AGPAT3: variants seen among roughly 807,000 people sequenced by gnomAD.
AGPAT3 encodes 1-acylglycerol-3-phosphate O-acyltransferase 3, also known as 1-acyl-sn-glycerol-3-phosphate acyltransferase gamma.
In AGPAT3, 5 loss-of-function variants were observed where a neutral mutation model predicts 47.3. The ratio of observed to expected loss-of-function variants is 0.11; its 90% CI spans 0.06 to 0.22. AGPAT3 has a LOEUF of 0.22. Ranked by LOEUF, AGPAT3 falls within the 10% of genes least tolerant of loss-of-function variation. AGPAT3 has a pLI of 1.00. For missense variants in AGPAT3, 315 were observed against 493.0 expected, an observed-to-expected ratio of 0.64 and a Z score of 3.42; for synonymous variants, 212 against 208.3, an observed-to-expected ratio of 1.02 and a Z score of -0.15.
chr21:43,972,778 G>T (rs908602963), intron 7 of AGPAT3, among the ~76,000 whole-genome samples: 1 of 152,222 alleles, frequency 6.6e-6, no homozygotes, highest in Non-Finnish European at 1.5e-5. Flanking sequence ...ATCATTTCAG[G>T]CAGGCCTTTG....
intron 2 of AGPAT3, among the ~76,000 whole-genome samples, chr21:43,931,063 G>C (rs1477557297): frequency 6.6e-6 from 1 of 152,142 alleles, no homozygotes; most frequent in Non-Finnish European, 1.5e-5. Flanking sequence ...TTTCTCGAGG[G>C]CCCCGTGACT....
At chr21:43,882,032 C>T (rs2085864707) in intron 1 of AGPAT3, among the ~76,000 whole-genome samples, 1 of 152,242 alleles carries the variant, frequency 6.6e-6, no homozygotes, top group Admixed American at 6.5e-5. Context: ...GCACACAGGC[C>T]GGCATTTGCA....
chr21:43,938,847 T>C (rs893206970), intron 2 of AGPAT3, among the ~76,000 whole-genome samples: 3 of 151,846 alleles, frequency 2.0e-5, no homozygotes, highest in East Asian at 1.9e-4. Flanking sequence ...TCACATGGGG[T>C]CAATGTGTTG....
Position 43,984,813 on chromosome 21 carries a change from A to C in AGPAT3, c.*2421A>C. The C allele has an allele frequency of 5.0e-6, 1 of 201,856 alleles. No individual in the cohort carries two copies. 12.5% of individuals were successfully genotyped at this position (201,856 alleles called of 1,614,324 possible). A position where few individuals can be genotyped will look rare whatever the true frequency, so the allele number is the denominator to read the frequency against. On this transcript the variant is annotated 3_prime_UTR_variant, in exon 10 of 10. Coordinates refer to ENST00000291572, the MANE Select transcript of AGPAT3 (RefSeq NM_020132.5). ...AGTCTTTTTTTTTTCTTTTTCCTTT[A>C]CACCCTACTTCTGAGCTTAATTCAG... is the stretch of plus-strand genomic sequence containing the variant.
At chr21:43,867,889 TG>T (rs773425282) in intron 1 of AGPAT3, 6 of 146,820 alleles carry the variant, frequency 4.1e-5, no homozygotes, top group Non-Finnish European at 8.8e-5. Flanking sequence ...GAAGAGTGTT[TG>T]GGGTTTTAAA....
In AGPAT3 at chr21:43,954,421, G is replaced by C. The variant is rs2088345267; in HGVS notation, c.-48-5213G>C. ...GGGAAACCGTGTTGAGCGCTCTGGT[G>C]GGGGCAGGCGGGCGGGAGAGGCCCC... On this transcript the variant is annotated intron_variant, in intron 2 of 9. Coordinates refer to ENST00000291572, the MANE Select transcript of AGPAT3 (RefSeq NM_020132.5). The surrounding 1 kb of genome is among the most constrained non-coding windows in gnomAD (Gnocchi z 4.0). 1 of 152,406 alleles carries C rather than the reference G, an allele frequency of 6.6e-6. No homozygotes were observed. Among genetic ancestry groups the C allele is most frequent in the Non-Finnish European group, 1.5e-5 (1 of 68,150 alleles). The allele number at this position is 152,406 out of a possible 1,614,324, so 9.4% of individuals were successfully genotyped here.
chr21:43,979,298 C>CAAAAA (rs540542305), intron 8 of AGPAT3, among the ~76,000 whole-genome samples: 21 of 57,634 alleles, frequency 3.6e-4, no homozygotes, highest in African/African-American at 9.1e-4. Flanking sequence ...GACTCCAACT[C>CAAAAA]AAAAAAAAAA....
chr21:43,924,276 C>T (rs559879622), intron 2 of AGPAT3, among the ~76,000 whole-genome samples: 42 of 152,028 alleles, frequency 2.8e-4, no homozygotes, highest in Non-Finnish European at 2.6e-4. Flanking sequence ...CCGCCCGCCT[C>T]GGCCTCCCAA....
At chr21:43,971,102 G>A (rs889536149) in intron 6 of AGPAT3, among the ~76,000 whole-genome samples, 1 of 152,066 alleles carries the variant, frequency 6.6e-6, no homozygotes, top group African/African-American at 2.4e-5. Flanking sequence ...TAAAAGAAAG[G>A]GACAAAGAAC....
At chr21:43,973,858 C>G (rs996821793) in intron 7 of AGPAT3, among the ~76,000 whole-genome samples, 7 of 152,186 alleles carry the variant, frequency 4.6e-5, no homozygotes, top group African/African-American at 1.7e-4. Context: ...CTCCTGTCCC[C>G]AGGGCTGGCC....
intron 7 of AGPAT3, among the ~76,000 whole-genome samples, chr21:43,971,931 G>A (rs545790207): frequency 2.0e-5 from 3 of 152,222 alleles, no homozygotes; most frequent in Admixed American, 2.0e-4. Context: ...ACAGTCACAC[G>A]ACCTGGGGGG....
intron 3 of AGPAT3, among the ~76,000 whole-genome samples, chr21:43,964,245 CATG>C (rs1342922570): frequency 6.6e-6 from 1 of 151,878 alleles, no homozygotes; most frequent in Non-Finnish European, 1.5e-5. Context: ...ATTAGCCTGG[CATG>C]GTGGTGGGCA....
At chr21:43,903,676 G>C (rs888741491) in intron 1 of AGPAT3, among the ~76,000 whole-genome samples, 1 of 152,198 alleles carries the variant, frequency 6.6e-6, no homozygotes, top group African/African-American at 2.4e-5. Context: ...TCCTTCCTGG[G>C]GCGTGACCTC....
At position 43,908,077 on chromosome 21, in the gene AGPAT3, C is replaced by T. The variant is rs1472143835; in HGVS notation, c.-49+4058C>T. The stretch of plus-strand genomic sequence containing the variant: ...GCACCCCAGGGACGCTTTCTCTTTC[C>T]GTGTGCTGGAAGACCTGAATGCTTC... On this transcript the variant is annotated intron_variant, in intron 2 of 9. Coordinates refer to ENST00000291572, the MANE Select transcript of AGPAT3 (RefSeq NM_020132.5). This position sits in a 1 kb window ranked among gnomAD's most constrained non-coding sequence, Gnocchi z 4.9. 3.9e-5 allele frequency among the ~76,000 whole-genome samples: 6 copies of T among 152,196 alleles called. No homozygotes were observed. Among genetic ancestry groups the T allele is most frequent in the Non-Finnish European group, 5.9e-5 (4 of 68,030 alleles).
At chr21:43,873,359 C>T (rs2085664302) in intron 1 of AGPAT3, among the ~76,000 whole-genome samples, 1 of 152,218 alleles carries the variant, frequency 6.6e-6, no homozygotes. Context: ...GTGTATGCAG[C>T]ACCTGACTTC....
intron 1 of AGPAT3, chr21:43,867,300 G>A (rs941592084): frequency 1.3e-5 from 2 of 152,230 alleles, no homozygotes; most frequent in Admixed American, 1.3e-4. Flanking sequence ...CCACAGACCC[G>A]TCCGGGTGCT....
intron 1 of AGPAT3, among the ~76,000 whole-genome samples, chr21:43,889,821 T>C (rs1333742243): frequency 6.6e-6 from 1 of 152,236 alleles, no homozygotes; most frequent in East Asian, 1.9e-4. Flanking sequence ...GAGCCTTCAG[T>C]GAGTCTTCGT....
rs200264871 is a variant in AGPAT3 at position 43,968,010 on chromosome 21, G to A, written c.243G>A (p.Thr81=). The A allele has an allele frequency of 7.2e-5, 116 of 1,613,938 alleles. No homozygotes were observed. Among genetic ancestry groups the A allele is most frequent in the South Asian group, 3.3e-5 (3 of 91,024 alleles). The change falls in exon 4 of 10, where the codon ACG becomes ACA. Residue 81 remains threonine (T), a synonymous_variant. Transcript: ENST00000291572. The part of the protein sequence containing the change: ...TECTLFTDQA[T]VERFGKEHAV... ...GTACACTGTTCACGGACCAGGCCACGGTAGAGCGCTTTGGGAAGGAGCACG... is the reference window on the plus strand; with the variant it reads ...GTACACTGTTCACGGACCAGGCCACAGTAGAGCGCTTTGGGAAGGAGCACG...
In AGPAT3 at chr21:43,970,571, C is replaced by A; in HGVS notation, c.511-82C>A. The A allele has an allele frequency of 5.4e-6, 8 of 1,473,872 alleles. No individual in the cohort carries two copies. The highest frequency in any genetic ancestry group is 7.4e-6 in the Non-Finnish European group (8 of 1,077,124). The allele number at this position is 1,473,872 out of a possible 1,614,324, so 91.3% of individuals were successfully genotyped here. A position where few individuals can be genotyped will look rare whatever the true frequency, so the allele number is the denominator to read the frequency against. On this transcript the variant is annotated intron_variant, in intron 5 of 9. Transcript: ENST00000291572. The surrounding 1 kb of genome is among the most constrained non-coding windows in gnomAD (Gnocchi z 5.8). ...CAAATTCAGCCACAACCTTTGCTGC[C>A]TGTCAGAGAGGCAGGCCTGGCCTGG...
Sources: gnomAD v4.1 joint callset for allele counts (sites outside exome capture counted in the v4.1 genomes callset) on GRCh38, gnomAD v4.1.1 for gene constraint, Gnocchi (gnomAD v3.1) non-coding constraint, MANE v1.5 for transcripts, NCBI Gene and HGNC (gene_info 2026-07-23, HGNC 2026-07-21) for gene names.